Variants in TMEM50B observed in about 807,000 individuals in gnomAD.
The protein encoded by TMEM50B is transmembrane protein 50B.
TMEM50B carries 14 observed loss-of-function variants against 23.4 expected under a neutral mutation model. The ratio of observed to expected loss-of-function variants is 0.60; its 90% CI spans 0.39 to 0.93. The LOEUF (loss-of-function observed/expected upper bound fraction) is 0.93, where lower values mean the gene tolerates loss of function less well. Ranked by LOEUF, TMEM50B falls within the 40% of genes least tolerant of loss-of-function variation. The pLI, the probability that TMEM50B is intolerant of heterozygous loss-of-function variation, is 0.00. For missense variants in TMEM50B, 159 were observed against 193.0 expected (o/e 0.82, Z 1.04); for synonymous variants, 64 against 62.3 (o/e 1.03, Z -0.13).
intron 6 of TMEM50B, among the ~76,000 whole-genome samples, chr21:33,453,023 G>A (rs1199935688): frequency 1.3e-5 from 2 of 152,208 alleles, no homozygotes; most frequent in Non-Finnish European, 2.9e-5. Flanking sequence ...GGATGGCATA[G>A]ATTAGACATT....
At chr21:33,479,554 C>T (rs1217704203) in intron 1 of TMEM50B, among the ~76,000 whole-genome samples, 2 of 152,216 alleles carry the variant, frequency 1.3e-5, no homozygotes, top group Non-Finnish European at 2.9e-5. Flanking sequence ...GACGGCGTGA[C>T]AGCGCGGCAG....
At chr21:33,445,270 C>T (rs2084042391), downstream of TMEM50B, among the ~76,000 whole-genome samples, 1 of 152,168 alleles carries the variant, frequency 6.6e-6, no homozygotes, top group Non-Finnish European at 1.5e-5. Context: ...CCTGTCCTGC[C>T]ATACTTACTC....
chr21:33,436,867 G>T (rs2083959284), intron 8 of TMEM50B: 1 of 1,614,054 alleles, frequency 6.2e-7, no homozygotes, highest in East Asian at 2.2e-5. Flanking sequence ...AGAGGCCTTG[G>T]ACAAGGACAG....
intron 4 of TMEM50B, 32 bp downstream of exon 4, chr21:33,465,310 C>G: frequency 1.3e-6 from 2 of 1,575,030 alleles, no homozygotes; most frequent in Non-Finnish European, 1.7e-6. Flanking sequence ...TCTGTTTTGT[C>G]AACACCCATT....
At chr21:33,468,066 TAAA>T (rs3057402) in intron 2 of TMEM50B, among the ~76,000 whole-genome samples, 2 of 131,430 alleles carry the variant, frequency 1.5e-5, no homozygotes, top group African/African-American at 2.8e-5. Flanking sequence ...CTCGTCTCTT[TAAA>T]AAAAAAAAAA....
chr21:33,436,804 A>G (rs369190011), intron 8 of TMEM50B: 1 of 1,611,114 alleles, frequency 6.2e-7, no homozygotes, highest in African/African-American at 1.3e-5. Flanking sequence ...ACTAATTACA[A>G]TTTTGCTTTC....
intron 8 of TMEM50B, among the ~76,000 whole-genome samples, chr21:33,436,156 G>A (rs181761713): frequency 3.7e-5 from 4 of 106,926 alleles, no homozygotes; most frequent in Non-Finnish European, 5.6e-5. Flanking sequence ...TCAGGAGTTC[G>A]AGACAGCCTG....
At chr21:33,464,697 G>A (rs939246459) in intron 4 of TMEM50B, among the ~76,000 whole-genome samples, 18 of 149,960 alleles carry the variant, frequency 1.2e-4, no homozygotes, top group African/African-American at 3.4e-4. Context: ...CCCAGCTCTC[G>A]GGAGGGTGAG....
chr21:33,442,539 T>C (rs2084016976), intron 7 of TMEM50B, among the ~76,000 whole-genome samples: 1 of 152,150 alleles, frequency 6.6e-6, no homozygotes, highest in African/African-American at 2.4e-5. Context: ...CACTAGCTTC[T>C]CTGGGCCCCT....
At chr21:33,432,986 A>G (rs2083905439) in intron 8 of TMEM50B, 2 of 872,664 alleles carry the variant, frequency 2.3e-6, no homozygotes, top group Non-Finnish European at 3.7e-6. Context: ...CCCAGGTTCA[A>G]GCGATTCTCC....
Position 33,450,151 on chromosome 21 carries a change from T to A in TMEM50B, c.*667A>T. 6.6e-6 allele frequency: 1 copy of A among 152,042 alleles called. No individual in the cohort carries two copies. Among genetic ancestry groups the A allele is most frequent in the African/African-American group, 2.4e-5 (1 of 41,496 alleles). The allele number at this position is 152,042 out of a possible 1,614,324, so 9.4% of individuals were successfully genotyped here. On this transcript the variant is annotated 3_prime_UTR_variant, in exon 7 of 7. Coordinates refer to ENST00000542230, the MANE Select transcript of TMEM50B (RefSeq NM_006134.7). ...TATGGCTCAGTGCTCATTCTAGATA[T>A]ATGAAGCTATATTTTTTTGTACATC...
Position 33,479,949 on chromosome 21 carries a change from G to A in TMEM50B, c.-153C>T, listed in dbSNP as rs2084413911. ...TCCACCTCAGCCCCGGGAGCCCGGA[G>A]CTGGGAGCAGACGCGAGGATAGAGC... On this transcript the variant is annotated 5_prime_UTR_variant, in exon 1 of 7. Coordinates refer to ENST00000542230, the MANE Select transcript of TMEM50B (RefSeq NM_006134.7). The A allele has an allele frequency of 1.3e-5, 2 of 152,224 alleles. No homozygotes were observed. The highest frequency in any genetic ancestry group is 4.8e-5 in the African/African-American group (2 of 41,456). 9.4% of individuals were successfully genotyped at this position (152,224 alleles called of 1,614,324 possible).
intron 5 of TMEM50B, among the ~76,000 whole-genome samples, chr21:33,457,544 G>A (rs550088451): frequency 1.3e-5 from 2 of 151,656 alleles, no homozygotes; most frequent in South Asian, 2.1e-4. Flanking sequence ...CCAGCTATTC[G>A]GGAAGCTGAG....
intron 5 of TMEM50B, among the ~76,000 whole-genome samples, chr21:33,457,921 G>A (rs2084184581): frequency 6.6e-6 from 1 of 151,966 alleles, no homozygotes; most frequent in African/African-American, 2.4e-5. Context: ...TTAATAAATA[G>A]CTGAATTTTA....
chr21:33,448,884 G>A (rs531592559), downstream of TMEM50B: 4 of 150,624 alleles, frequency 2.7e-5, no homozygotes, highest in South Asian at 6.3e-4. Context: ...TCCAGCCTAG[G>A]CAACAGAGTG....
At chr21:33,472,762 C>T (rs1385790787) in intron 1 of TMEM50B, among the ~76,000 whole-genome samples, 1 of 151,510 alleles carries the variant, frequency 6.6e-6, no homozygotes, top group Non-Finnish European at 1.5e-5. Context: ...ATCCCAGCTA[C>T]TTGGGAGGCT....
At chr21:33,469,336 A>G (rs895320557) in intron 1 of TMEM50B, among the ~76,000 whole-genome samples, 2 of 152,200 alleles carry the variant, frequency 1.3e-5, no homozygotes, top group Non-Finnish European at 2.9e-5. Context: ...CTGTAATCAC[A>G]GCTACTCGGG....
intron 7 of TMEM50B, among the ~76,000 whole-genome samples, chr21:33,441,215 G>T (rs574539540): frequency 8.6e-5 from 13 of 151,940 alleles, no homozygotes; most frequent in Non-Finnish European, 1.9e-4. Flanking sequence ...GGGCAACAGA[G>T]CAAGAATCTG....
intron 1 of TMEM50B, among the ~76,000 whole-genome samples, chr21:33,476,305 C>A (rs1353245742): frequency 6.6e-6 from 1 of 151,956 alleles, no homozygotes; most frequent in Non-Finnish European, 1.5e-5. Flanking sequence ...ATTGCTTGAA[C>A]CTGGGAGATG....
Sources: gnomAD v4.1 joint callset for allele counts (sites outside exome capture counted in the v4.1 genomes callset) on GRCh38, gnomAD v4.1.1 for gene constraint, MANE v1.5 for transcripts, NCBI Gene and HGNC (gene_info 2026-07-23, HGNC 2026-07-21) for gene names.